RIOK3: variants seen among roughly 807,000 people sequenced by gnomAD.
RIOK3 encodes RIO kinase 3, also known as serine/threonine-protein kinase RIO3.
Under a neutral mutation model 63.5 loss-of-function variants are expected in RIOK3, and 40 were observed. That is an observed-to-expected ratio of 0.63 (90% CI 0.49 to 0.82). RIOK3 has a LOEUF of 0.82. Ranked by LOEUF, RIOK3 falls within the 40% of genes least tolerant of loss-of-function variation. RIOK3 has a pLI of 0.00. For synonymous variants in RIOK3, 193 were observed against 205.0 expected, an observed-to-expected ratio of 0.94 and a Z score of 0.50; for missense variants, 557 against 637.0, an observed-to-expected ratio of 0.87 and a Z score of 1.35.
chr18:23,473,672 T>C, intron 8 of RIOK3, 46 bp downstream of exon 8: 1 of 1,390,032 alleles, frequency 7.2e-7, no homozygotes. Flanking sequence ...AAATACCTTT[T>C]TGCATTAGGA....
Position 23,481,465 on chromosome 18 carries a change from G to GAAGCAGCTT in RIOK3, c.*186_*187insAAGCAGCTT. On this transcript the variant is annotated 3_prime_UTR_variant, in exon 13 of 13. Coordinates refer to ENST00000339486, the MANE Select transcript of RIOK3 (RefSeq NM_003831.5). ...TAGCTCAGCATTGAGAGAATAAAAT[G>GAAGCAGCTT]TCACTACCTCTCATCTTATGAACAG... is the stretch of plus-strand genomic sequence containing the variant. 2.1e-6 allele frequency: 1 copy of GAAGCAGCTT among 484,692 alleles called. No individual in the cohort carries two copies. The allele number at this position is 484,692 out of a possible 1,614,324, so 30.0% of individuals were successfully genotyped here. A position where few individuals can be genotyped will look rare whatever the true frequency, so the allele number is the denominator to read the frequency against.
Position 23,464,220 on chromosome 18 carries a change from G to C in RIOK3, c.340G>C (p.Glu114Gln), listed in dbSNP as rs776839395. The change falls in exon 4 of 13, where the codon GAA becomes CAA. Residue 114 changes from glutamate to glutamine, a missense_variant. Physicochemically the swap from Glu to Gln is conservative, Grantham distance 29. Transcript: ENST00000339486. Reference protein sequence around the residue: ...NGDSKVSISFENYRKVHPYED... With the variant: ...NGDSKVSISFQNYRKVHPYED... ...TGCTTCTTAAGTTTCCATTTCCTTT[G>C]AAAATTATCGAAAAGTGCATCCTTA... 1 of 1,612,904 alleles carries C rather than the reference G, an allele frequency of 6.2e-7. No homozygotes were observed. The highest frequency in any genetic ancestry group is 2.2e-5 in the East Asian group (1 of 44,866).
At chr18:23,467,551 T>A (rs1033710971) in intron 7 of RIOK3, 25 bp downstream of exon 7, 1 of 1,604,840 alleles carries the variant, frequency 6.2e-7, no homozygotes, top group African/African-American at 1.3e-5. Context: ...TATGATACCA[T>A]GATATGAAAA....
intron 5 of RIOK3, among the ~76,000 whole-genome samples, chr18:23,464,846 G>A (rs2057395735): frequency 6.6e-6 from 1 of 152,102 alleles, no homozygotes; most frequent in African/African-American, 2.4e-5. Context: ...AAACTATTTT[G>A]ACTCACATTG....
chr18:23,471,142 TAAAC>T (rs921590012), intron 7 of RIOK3, among the ~76,000 whole-genome samples: 2 of 152,148 alleles, frequency 1.3e-5, no homozygotes, highest in African/African-American at 4.8e-5. Flanking sequence ...ATGACAATAA[TAAAC>T]AAAAAATATC....
At chr18:23,466,736 CT>C (rs2057411262) in intron 6 of RIOK3, among the ~76,000 whole-genome samples, 2 of 149,862 alleles carry the variant, frequency 1.3e-5, no homozygotes, top group African/African-American at 4.9e-5. Flanking sequence ...GGTGAGGTGG[CT>C]CCCAGCACCT....
chr18:23,467,731 T>A (rs1208648479), intron 7 of RIOK3, among the ~76,000 whole-genome samples: 1 of 152,060 alleles, frequency 6.6e-6, no homozygotes, highest in African/African-American at 2.4e-5. Context: ...ATTAATAATT[T>A]TGGGTAGACT....
chr18:23,477,207 T>C lies in RIOK3; in HGVS notation c.1283T>C (p.Val428Ala). ...KVWLIDVSQSVEPTHPHGLEF... is the reference protein window; with the variant it reads ...KVWLIDVSQSAEPTHPHGLEF... ...TGGTTGATCGATGTCAGTCAGTCAG[T>C]AGAACCTACCCACCCTCACGGCCTG... The change falls in exon 11 of 13, where the codon GTA becomes GCA. Residue 428 changes from valine to alanine, a missense_variant. Physicochemically the swap from Val to Ala is moderately conservative, Grantham distance 64. Transcript: ENST00000339486. 3 of 1,614,174 alleles carry C rather than the reference T, an allele frequency of 1.9e-6. No individual in the cohort carries two copies. Among genetic ancestry groups the C allele is most frequent in the Non-Finnish European group, 2.5e-6 (3 of 1,180,002 alleles).
intron 5 of RIOK3, 128 bp downstream of exon 5, chr18:23,464,756 C>G: frequency 2.1e-6 from 1 of 472,148 alleles, no homozygotes; most frequent in Non-Finnish European, 3.7e-6. Context: ...TTTTAGATAA[C>G]AATATGGCAA....
chr18:23,475,948 T>C (rs569496615), intron 9 of RIOK3, among the ~76,000 whole-genome samples: 3 of 147,962 alleles, frequency 2.0e-5, no homozygotes, highest in African/African-American at 7.5e-5. Flanking sequence ...GGGCTTTTTT[T>C]TTTTTTTTTT....
chr18:23,467,495 G>T lies in RIOK3; in HGVS notation c.784G>T (p.Glu262Ter). The part of the protein sequence containing the change: ...TITGCISTGK[E>*]SVVFHAYGGS... ...CACTGGCTGTATTAGTACAGGAAAG[G>T]AGTCTGTTGTCTTTCATGCATATGG... Residue 262 changes from glutamate to a stop codon, truncating the protein, a stop_gained, in exon 7 of 13, where the codon GAG becomes TAG. Coordinates refer to ENST00000339486, the MANE Select transcript of RIOK3 (RefSeq NM_003831.5). LOFTEE classifies it high-confidence loss of function. The T allele has an allele frequency of 6.2e-7, 1 of 1,613,480 alleles. No homozygotes were observed. The highest frequency in any genetic ancestry group is 8.5e-7 in the Non-Finnish European group (1 of 1,179,592).
chr18:23,454,591 G>C (rs1237316564), intron 1 of RIOK3, among the ~76,000 whole-genome samples: 1 of 152,230 alleles, frequency 6.6e-6, no homozygotes, highest in Non-Finnish European at 1.5e-5. Flanking sequence ...GTATGTTAAA[G>C]TCCTTCAGTT....
intron 7 of RIOK3, among the ~76,000 whole-genome samples, chr18:23,471,036 A>C (rs1027576655): frequency 2.0e-5 from 3 of 152,238 alleles, no homozygotes; most frequent in Non-Finnish European, 1.5e-5. Flanking sequence ...GTCAAGTACC[A>C]GGTACTCTTC....
chr18:23,481,252 A>G lies in RIOK3; in HGVS notation c.1533A>G (p.Gly511=). The G allele has an allele frequency of 6.2e-7, 1 of 1,608,726 alleles. No individual in the cohort carries two copies. The highest frequency in any genetic ancestry group is 8.5e-7 in the Non-Finnish European group (1 of 1,176,182). The part of the protein sequence containing the change: ...RKAASFLKDD[G]DPPLLYDE ...CTGCTTCATTTTTGAAAGATGATGG[A>G]GACCCACCACTACTATATGATGAAT... is the stretch of plus-strand genomic sequence containing the variant. Residue 511 remains glycine, a synonymous_variant, in exon 13 of 13, where the codon GGA becomes GGG. Transcript: ENST00000339486.
chr18:23,473,577 C>T lies in RIOK3; in HGVS notation c.964C>T (p.Arg322Cys), dbSNP rs1450206449. Residue 322 changes from arginine to cysteine, a missense_variant, in exon 8 of 13, where the codon CGT becomes TGT. Around this residue, in one of 3 missense-constraint regions of RIOK3, gnomAD observed 309 missense variants for 338.7 expected, o/e 0.91. Transcript: ENST00000339486. Reference sequence around the variant, plus strand: ...AGATCGCTTCAGTAAACTAAATCCACGTAAGATCATCCGCATGTGGGCAGA... The same window carrying T: ...AGATCGCTTCAGTAAACTAAATCCATGTAAGATCATCCGCATGTGGGCAGA... ...FKDRFSKLNPRKIIRMWAEKE... is the reference protein window; with the variant it reads ...FKDRFSKLNPCKIIRMWAEKE... 3.7e-6 allele frequency: 6 copies of T among 1,613,430 alleles called. No individual in the cohort carries two copies. The highest frequency in any genetic ancestry group is 5.1e-6 in the Non-Finnish European group (6 of 1,179,710).
intron 5 of RIOK3, among the ~76,000 whole-genome samples, chr18:23,465,046 T>C (rs1180100669): frequency 2.6e-5 from 4 of 152,282 alleles, no homozygotes; most frequent in East Asian, 3.9e-4. Context: ...GAACTACCTG[T>C]GTAAAATCAG....
chr18:23,462,388 G>A (rs894286912), intron 1 of RIOK3, among the ~76,000 whole-genome samples: 7 of 152,216 alleles, frequency 4.6e-5, no homozygotes, highest in East Asian at 1.9e-4. Context: ...TTATCCACCC[G>A]CCTTGGCCTG....
intron 7 of RIOK3, among the ~76,000 whole-genome samples, chr18:23,470,441 T>G (rs2057449202): frequency 6.6e-6 from 1 of 152,212 alleles, no homozygotes; most frequent in Non-Finnish European, 1.5e-5. Flanking sequence ...CTATTTAAAT[T>G]TTTTAAGTCA....
chr18:23,473,496 AC>A lies in RIOK3; in HGVS notation c.886del (p.Asn297MetfsTer23). ...TECAIKVFKT[T>X]LNEFKNRDKY... ...ATGTGCCATCAAGGTATTTAAAACAACCCTTAATGAATTTAAGAATCGTGAC... is the reference window on the plus strand; with the variant it reads ...ATGTGCCATCAAGGTATTTAAAACAACCTTAATGAATTTAAGAATCGTGAC... On this transcript the variant is annotated frameshift_variant, in exon 8 of 13. Transcript: ENST00000339486. LOFTEE classifies it high-confidence loss of function. 1 of 1,612,160 alleles carries A rather than the reference AC, an allele frequency of 6.2e-7. No homozygotes were observed. Among genetic ancestry groups the A allele is most frequent in the Non-Finnish European group, 8.5e-7 (1 of 1,178,462 alleles).
Sources: allele counts gnomAD v4.1 joint callset (sites outside exome capture counted in the v4.1 genomes callset), GRCh38; gene constraint gnomAD v4.1.1; regional missense constraint gnomAD v4.1.1; transcripts MANE v1.5; gene names NCBI Gene and HGNC (gene_info 2026-07-23, HGNC 2026-07-21).